ALK: variants seen among roughly 807,000 people sequenced by gnomAD.
ALK encodes the protein ALK receptor tyrosine kinase, also known as ALK tyrosine kinase receptor.
ALK carries 74 observed loss-of-function variants against 163.1 expected under a neutral mutation model. The observed-to-expected ratio is 0.45, with a 90% CI of 0.38 to 0.55. ALK has a LOEUF of 0.55. ALK is among the 20% of genes least tolerant of loss of function. The pLI, the probability that ALK is intolerant of heterozygous loss-of-function variation, is 0.00. For missense variants in ALK, 2,063 were observed against 2,105.3 expected (o/e 0.98, Z 0.39); for synonymous variants, 960 against 843.2 (o/e 1.14, Z -2.40).
intron 5 of ALK, among the ~76,000 whole-genome samples, chr2:29,352,793 T>C (rs1290605731): frequency 6.6e-6 from 1 of 151,930 alleles, no homozygotes; most frequent in Non-Finnish European, 1.5e-5. Flanking sequence ...CCAGAAAGGG[T>C]TGAGGGATGG....
chr2:29,378,873 G>A (rs1397441350), intron 5 of ALK, among the ~76,000 whole-genome samples: 1 of 152,072 alleles, frequency 6.6e-6, no homozygotes, highest in Non-Finnish European at 1.5e-5. Flanking sequence ...ACCATGCCTG[G>A]CTACTTTTTT....
At position 29,197,522 on chromosome 2, in the gene ALK, T is replaced by C. The variant is rs1176333736; in HGVS notation, c.4073+20A>G. Reference sequence around the variant, plus strand: ...AAAACTGCTTAGTAACTAGCAGAAGTGTTCCTAAAAGAGTCATACACAGGC... The same window carrying C: ...AAAACTGCTTAGTAACTAGCAGAAGCGTTCCTAAAAGAGTCATACACAGGC... On this transcript the variant is annotated intron_variant, in intron 27 of 28. Coordinates refer to ENST00000389048, the MANE Select transcript of ALK (RefSeq NM_004304.5). 1.2e-6 allele frequency: 2 copies of C among 1,612,778 alleles called. No individual in the cohort carries two copies. The highest frequency in any genetic ancestry group is 1.7e-6 in the Non-Finnish European group (2 of 1,179,766).
chr2:29,890,051 A>C (rs1451758447), intron 1 of ALK, among the ~76,000 whole-genome samples: 1 of 152,200 alleles, frequency 6.6e-6, no homozygotes, highest in Non-Finnish European at 1.5e-5. Flanking sequence ...TCTCAGCTGA[A>C]CATAGAGCAT....
At chr2:29,810,543 A>C (rs1664731827) in intron 1 of ALK, among the ~76,000 whole-genome samples, 1 of 151,912 alleles carries the variant, frequency 6.6e-6, no homozygotes, top group Non-Finnish European at 1.5e-5. Flanking sequence ...CTTGTATTGG[A>C]GGGCCTGGGA....
At chr2:29,243,392 C>T (rs1573152403) in intron 12 of ALK, among the ~76,000 whole-genome samples, 1 of 152,332 alleles carries the variant, frequency 6.6e-6, no homozygotes, top group East Asian at 1.9e-4. Flanking sequence ...GATAATAATA[C>T]CTACCTTGGA....
chr2:29,529,874 C>T (rs1468046058), intron 4 of ALK, among the ~76,000 whole-genome samples: 1 of 152,154 alleles, frequency 6.6e-6, no homozygotes, highest in African/African-American at 2.4e-5. Context: ...TCACACCCTC[C>T]AGAGGACAGA....
chr2:29,314,687 G>A (rs1387511511), intron 8 of ALK, among the ~76,000 whole-genome samples: 1 of 152,158 alleles, frequency 6.6e-6, no homozygotes, highest in Non-Finnish European at 1.5e-5. Flanking sequence ...AAGAAAATGA[G>A]GAAAGTCCAC....
intron 3 of ALK, among the ~76,000 whole-genome samples, chr2:29,539,381 G>A (rs895784608): frequency 6.6e-6 from 1 of 152,058 alleles, no homozygotes; most frequent in Non-Finnish European, 1.5e-5. Context: ...TATGTTATCA[G>A]CAATAATTAA....
rs571317715 is a variant in ALK at position 29,246,219 on chromosome 2, G to C, written c.2204+4886C>G. ...GGTAGGAAGGCAGGCAGGCTGGAGG[G>C]GGAGAGAGGGAAGAAGGAGGAAAGA... On this transcript the variant is annotated intron_variant, in intron 12 of 28. Coordinates refer to ENST00000389048, the MANE Select transcript of ALK (RefSeq NM_004304.5). The surrounding 1 kb of genome is among the most constrained non-coding windows in gnomAD (Gnocchi z 4.3). Among the ~76,000 whole-genome samples the C allele has an allele frequency of 6.6e-6, 1 of 151,924 alleles. No individual in the cohort carries two copies. Among genetic ancestry groups the C allele is most frequent in the Admixed American group, 6.6e-5 (1 of 15,264 alleles).
At chr2:29,648,711 C>T (rs1676955204) in intron 3 of ALK, among the ~76,000 whole-genome samples, 1 of 152,120 alleles carries the variant, frequency 6.6e-6, no homozygotes, top group African/African-American at 2.4e-5. Flanking sequence ...TTTCTTTTGA[C>T]ATTATGCTAG....
chr2:29,514,736 C>T (rs1340690007), intron 4 of ALK, among the ~76,000 whole-genome samples: 2 of 152,210 alleles, frequency 1.3e-5, no homozygotes, highest in African/African-American at 4.8e-5. Context: ...AATATCTTCT[C>T]CTCTTTCCCA....
At chr2:29,325,540 C>T (rs1573235216) in intron 6 of ALK, among the ~76,000 whole-genome samples, 1 of 152,294 alleles carries the variant, frequency 6.6e-6, no homozygotes, top group Non-Finnish European at 1.5e-5. Flanking sequence ...CTGGACCTCC[C>T]TGTCTCTTCC....
At chr2:29,212,865 C>T (rs1669501549) in intron 24 of ALK, among the ~76,000 whole-genome samples, 1 of 152,092 alleles carries the variant, frequency 6.6e-6, no homozygotes, top group Non-Finnish European at 1.5e-5. Flanking sequence ...CCCACCATGC[C>T]TGGCTAATTT....
intron 8 of ALK, among the ~76,000 whole-genome samples, chr2:29,304,007 G>C (rs1451303833): frequency 6.6e-6 from 1 of 152,078 alleles, no homozygotes; most frequent in Non-Finnish European, 1.5e-5. Flanking sequence ...TAACAAACCT[G>C]CATGTTTATC....
intron 4 of ALK, among the ~76,000 whole-genome samples, chr2:29,384,986 G>T (rs55696493): frequency 0.12 from 17,750 of 152,028 alleles, 1,253 homozygotes; most frequent in East Asian, 0.32. Flanking sequence ...GGGAGGTGGA[G>T]GTTGCAGTGA....
At chr2:29,312,026 T>C (rs1666711807) in intron 8 of ALK, among the ~76,000 whole-genome samples, 1 of 151,718 alleles carries the variant, frequency 6.6e-6, no homozygotes, top group South Asian at 2.1e-4. Flanking sequence ...ATAAACTTCC[T>C]CTGACTCCAG....
Position 29,523,865 on chromosome 2 carries a change from T to C in ALK, c.1154+8050A>G, listed in dbSNP as rs978485331. 0.018 allele frequency among the ~76,000 whole-genome samples: 161 copies of C among 8,830 alleles called. 10 individuals are homozygous for C. In the East Asian group the frequency reaches 0.33, roughly 18 times the overall value. The allele number at this position is 8,830 out of a possible 152,430, so 5.8% of individuals were successfully genotyped here. A position where few individuals can be genotyped will look rare whatever the true frequency, so the allele number is the denominator to read the frequency against. ...AACTGGCAGAAGCTGAAGGTTTTTT[T>C]TTTTTTTTTTTTTTTTTTTTTTTTT... On this transcript the variant is annotated intron_variant, in intron 4 of 28. Transcript: ENST00000389048.
chr2:29,709,276 A>G (rs1250536521), intron 2 of ALK, among the ~76,000 whole-genome samples: 1 of 152,198 alleles, frequency 6.6e-6, no homozygotes, highest in Non-Finnish European at 1.5e-5. Context: ...CCCCTCAGAC[A>G]CATTTCTTTC....
intron 1 of ALK, among the ~76,000 whole-genome samples, chr2:29,786,859 T>A (rs1664042030): frequency 6.6e-6 from 1 of 152,172 alleles, no homozygotes; most frequent in African/African-American, 2.4e-5. Flanking sequence ...CAGCACAATC[T>A]TGACTCATTG....
Sources: allele counts gnomAD v4.1 joint callset (sites outside exome capture counted in the v4.1 genomes callset), GRCh38; gene constraint gnomAD v4.1.1; non-coding constraint Gnocchi (gnomAD v3.1); transcripts MANE v1.5; gene names NCBI Gene and HGNC (gene_info 2026-07-23, HGNC 2026-07-21).